Variants in LRBA observed in about 807,000 individuals in gnomAD.
The protein encoded by LRBA is lipopolysaccharide-responsive and beige-like anchor protein.
In LRBA, 176 loss-of-function variants were observed where a neutral mutation model predicts 330.0. The observed-to-expected ratio is 0.53, with a 90% confidence interval of 0.47 to 0.60. The LOEUF (loss-of-function observed/expected upper bound fraction) is 0.60. LRBA is among the 20% of genes least tolerant of loss of function. The pLI is 0.00. For missense variants in LRBA, 3,259 were observed against 3,444.8 expected (o/e 0.95, Z 1.35); for synonymous variants, 1,230 against 1,193.0 (o/e 1.03, Z -0.64).
intron 44 of LRBA, among the ~76,000 whole-genome samples, chr4:150,459,106 A>G (rs562546477): frequency 9.9e-5 from 15 of 151,970 alleles, no homozygotes; most frequent in African/African-American, 3.6e-4. Flanking sequence ...GAGTAATACA[A>G]TCTTCTGTCT....
Position 150,583,853 on chromosome 4 carries a change from A to G in LRBA, c.6330+4195T>C. On this transcript the variant is annotated intron_variant, in intron 40 of 56. Coordinates refer to ENST00000651943, the MANE Select transcript of LRBA (RefSeq NM_001364905.1). This position sits in a 1 kb window ranked among gnomAD's most constrained non-coding sequence, Gnocchi z 9.8. ...CAGCCGCTCAACAACTACCACATGA[A>G]GACGCTGCTGCTGTACGAGTGCGAG... 6.2e-7 allele frequency: 1 copy of G among 1,614,182 alleles called. No individual in the cohort carries two copies.
At chr4:150,759,859 C>G (rs1257934923) in intron 35 of LRBA, among the ~76,000 whole-genome samples, 3 of 152,084 alleles carry the variant, frequency 2.0e-5, no homozygotes, top group Non-Finnish European at 4.4e-5. Context: ...AGTATCAAAG[C>G]TGAAACCTGA....
intron 47 of LRBA, among the ~76,000 whole-genome samples, chr4:150,382,859 A>G (rs1439900559): frequency 6.6e-6 from 1 of 152,184 alleles, no homozygotes; most frequent in East Asian, 1.9e-4. Context: ...ATATTTTTTC[A>G]AATTTCTAAC....
chr4:150,809,590 C>G (rs1408832154), intron 31 of LRBA, among the ~76,000 whole-genome samples: 1 of 152,172 alleles, frequency 6.6e-6, no homozygotes, highest in Non-Finnish European at 1.5e-5. Flanking sequence ...TGCAGTGGCT[C>G]ACGCCAGTAA....
intron 40 of LRBA, among the ~76,000 whole-genome samples, chr4:150,535,030 ATT>A (rs1388416716): frequency 3.3e-5 from 5 of 152,210 alleles, no homozygotes; most frequent in African/African-American, 9.6e-5. Flanking sequence ...ATTTAAAAAT[ATT>A]GTTTATACCT....
intron 47 of LRBA, among the ~76,000 whole-genome samples, chr4:150,373,530 C>G (rs1740784966): frequency 6.6e-6 from 1 of 152,162 alleles, no homozygotes; most frequent in Non-Finnish European, 1.5e-5. Context: ...CTGGCTTCTA[C>G]ATATGGGCTG....
chr4:150,877,543 G>A (rs1173202315), intron 17 of LRBA, among the ~76,000 whole-genome samples: 2 of 152,186 alleles, frequency 1.3e-5, no homozygotes, highest in Non-Finnish European at 2.9e-5. Flanking sequence ...ACGACTACGA[G>A]ACGTAGGAAC....
chr4:150,964,251 G>A (rs1738620650), intron 2 of LRBA, among the ~76,000 whole-genome samples: 2 of 146,214 alleles, frequency 1.4e-5, no homozygotes, highest in Non-Finnish European at 3.0e-5. Context: ...AGATGGGGGG[G>A]CCCCTCTGCC....
intron 40 of LRBA, among the ~76,000 whole-genome samples, chr4:150,542,571 T>C (rs897530597): frequency 6.6e-6 from 1 of 152,168 alleles, no homozygotes; most frequent in African/African-American, 2.4e-5. Context: ...ATATTAAACA[T>C]GATTTTACCA....
chr4:150,640,851 C>T (rs951865503), intron 37 of LRBA, among the ~76,000 whole-genome samples: 1 of 152,156 alleles, frequency 6.6e-6, no homozygotes, highest in South Asian at 2.1e-4. Flanking sequence ...TTCCTACTAT[C>T]CTACAGAAAA....
chr4:150,524,211 G>C (rs1329598570), intron 40 of LRBA, among the ~76,000 whole-genome samples: 1 of 152,148 alleles, frequency 6.6e-6, no homozygotes, highest in African/African-American at 2.4e-5. Flanking sequence ...ATTGGGGCAG[G>C]ATGGGAACAG....
intron 38 of LRBA, among the ~76,000 whole-genome samples, chr4:150,595,279 A>G (rs1015844952): frequency 1.3e-5 from 2 of 151,938 alleles, no homozygotes; most frequent in African/African-American, 4.8e-5. Flanking sequence ...AGCCAGGTGC[A>G]TCTCGTAATA....
intron 35 of LRBA, among the ~76,000 whole-genome samples, chr4:150,746,131 G>A (rs969886845): frequency 1.3e-5 from 2 of 152,054 alleles, no homozygotes; most frequent in Admixed American, 6.5e-5. Flanking sequence ...GCATATATAT[G>A]AAACACATAC....
chr4:150,583,159 G>T lies in LRBA; in HGVS notation c.6330+4889C>A. On this transcript the variant is annotated intron_variant, in intron 40 of 56. Transcript: ENST00000651943. The surrounding 1 kb of genome is among the most constrained non-coding windows in gnomAD (Gnocchi z 9.8). ...TAAGGTGGTCTCGGACGTGCTCAAG[G>T]AAGTGGAGGTGCAGGAGCCTCGCTT... 6.2e-7 allele frequency: 1 copy of T among 1,614,214 alleles called. No individual in the cohort carries two copies. The highest frequency in any genetic ancestry group is 8.5e-7 in the Non-Finnish European group (1 of 1,180,022).
intron 37 of LRBA, among the ~76,000 whole-genome samples, chr4:150,655,161 A>G (rs984582925): frequency 6.6e-6 from 1 of 152,188 alleles, no homozygotes; most frequent in Non-Finnish European, 1.5e-5. Context: ...TAGTAAAGTC[A>G]TTTTTATTAG....
Position 150,848,864 on chromosome 4 carries a change from T to C in LRBA, c.4293A>G (p.Glu1431=), listed in dbSNP as rs1750226409. ...AAATTCCTCCAGATGACATACTTTT[T>C]TCAGCTTCAATTTCAGTAAAGCCAA... is the stretch of plus-strand genomic sequence containing the variant. ...SSLGFTEIEA[E]KSMSSGGILR... is the part of the protein sequence containing the mutation. Residue 1431 remains glutamate, a synonymous_variant, in exon 26 of 57, where the codon GAA becomes GAG. Coordinates refer to ENST00000651943, the MANE Select transcript of LRBA (RefSeq NM_001364905.1). 9 of 1,612,376 alleles carry C rather than the reference T, an allele frequency of 5.6e-6. No individual in the cohort carries two copies. The highest frequency in any genetic ancestry group is 1.1e-5 in the South Asian group (1 of 90,778).
intron 35 of LRBA, among the ~76,000 whole-genome samples, chr4:150,752,951 A>G (rs1733754732): frequency 6.6e-6 from 1 of 152,168 alleles, no homozygotes; most frequent in Non-Finnish European, 1.5e-5. Flanking sequence ...AATATAGAGA[A>G]ATGGCTCTCC....
chr4:150,667,244 G>T (rs1781645249), intron 37 of LRBA, among the ~76,000 whole-genome samples: 1 of 152,202 alleles, frequency 6.6e-6, no homozygotes, highest in South Asian at 2.1e-4. Context: ...CTTTGTGGAT[G>T]TGATTACATT....
At chr4:150,700,304 T>C (rs1784997379) in intron 36 of LRBA, among the ~76,000 whole-genome samples, 1 of 152,172 alleles carries the variant, frequency 6.6e-6, no homozygotes. Flanking sequence ...CTAGGAGCCA[T>C]ACAAATATGT....
Sources: allele counts gnomAD v4.1 joint callset (sites outside exome capture counted in the v4.1 genomes callset), GRCh38; gene constraint gnomAD v4.1.1; non-coding constraint Gnocchi (gnomAD v3.1); transcripts MANE v1.5; gene names NCBI Gene and HGNC (gene_info 2026-07-23, HGNC 2026-07-21).